The following DSCAM variants were observed in gnomAD, a reference collection of about 807,000 sequenced individuals.
DSCAM encodes cell adhesion molecule DSCAM.
In DSCAM, 47 loss-of-function variants were observed where a neutral mutation model predicts 217.7. The observed-to-expected ratio is 0.22, with a 90% CI of 0.17 to 0.28. DSCAM has a LOEUF of 0.28. Ranked by LOEUF, DSCAM falls within the 10% of genes least tolerant of loss-of-function variation. The probability of loss-of-function intolerance (pLI) is 1.00; values close to 1 mark genes in which losing one functional copy is unlikely to be tolerated. For missense variants in DSCAM, 2,080 were observed against 2,618.3 expected (o/e 0.79, Z 4.49); for synonymous variants, 1,056 against 1,015.3 (o/e 1.04, Z -0.76).
chr21:40,374,146 T>C (rs1283921489), intron 3 of DSCAM, among the ~76,000 whole-genome samples: 1 of 152,232 alleles, frequency 6.6e-6, no homozygotes, highest in Admixed American at 6.5e-5. Flanking sequence ...GGTGTGTATA[T>C]ATAGACACAT....
intron 28 of DSCAM, 92 bp from the exon 29 acceptor site, chr21:40,055,932 T>C: frequency 1.1e-6 from 1 of 883,820 alleles, no homozygotes; most frequent in Non-Finnish European, 1.9e-6. Flanking sequence ...GTTTATTGTC[T>C]AAATATACAA....
chr21:40,536,635 TGACCTCGTGATCCGCCCGCCTTGG>T (rs1318880927), intron 3 of DSCAM, among the ~76,000 whole-genome samples: 1 of 152,202 alleles, frequency 6.6e-6, no homozygotes, highest in Non-Finnish European at 1.5e-5. Flanking sequence ...CTCGATCTCC[TGACCTCGTGATCCGCCCGCCTTGG>T]CCTCCCAAAG....
intron 3 of DSCAM, among the ~76,000 whole-genome samples, chr21:40,599,613 G>A (rs1014520198): frequency 1.3e-5 from 2 of 152,100 alleles, no homozygotes; most frequent in Admixed American, 1.3e-4. Flanking sequence ...TAAGATCAGA[G>A]TAGAACTGAA....
intron 1 of DSCAM, among the ~76,000 whole-genome samples, chr21:40,792,608 G>T (rs945829281): frequency 1.3e-5 from 2 of 152,204 alleles, no homozygotes; most frequent in Admixed American, 6.5e-5. Flanking sequence ...ACGGATATGT[G>T]ACTGAGAATG....
chr21:40,176,667 C>A (rs2090735715), intron 15 of DSCAM, among the ~76,000 whole-genome samples: 1 of 152,222 alleles, frequency 6.6e-6, no homozygotes, highest in Non-Finnish European at 1.5e-5. Context: ...TTTCTAGAAC[C>A]TGCTCCTTTC....
chr21:40,523,971 G>T (rs1013574575), intron 3 of DSCAM, among the ~76,000 whole-genome samples: 6 of 152,118 alleles, frequency 3.9e-5, no homozygotes, highest in Non-Finnish European at 8.8e-5. Flanking sequence ...CCCTGAGAGG[G>T]GGACAAAGGG....
intron 1 of DSCAM, among the ~76,000 whole-genome samples, chr21:40,787,020 G>A (rs748063762): frequency 1.1e-4 from 17 of 152,206 alleles, no homozygotes; most frequent in East Asian, 1.9e-4. Context: ...GATTTGAAAC[G>A]TATGGCAATT....
chr21:40,645,488 A>C (rs2089935187), intron 3 of DSCAM, among the ~76,000 whole-genome samples: 1 of 152,230 alleles, frequency 6.6e-6, no homozygotes, highest in Non-Finnish European at 1.5e-5. Flanking sequence ...ATATTTGTGG[A>C]ATCATGTGAT....
At chr21:40,246,354 TAAAAAAAAAAAAAAAAAAAAAAA>T (rs34308158) in intron 11 of DSCAM, among the ~76,000 whole-genome samples, 2 of 13,920 alleles carry the variant, frequency 1.4e-4, no homozygotes, top group Admixed American at 3.0e-3. Flanking sequence ...CAGTCCGTAC[TAAAAAAAAAAAAAAAAAAAAAAA>T]AAAAAAAAAA....
At chr21:40,840,488 C>T (rs2123681312) in intron 1 of DSCAM, among the ~76,000 whole-genome samples, 1 of 152,230 alleles carries the variant, frequency 6.6e-6, no homozygotes, top group East Asian at 1.9e-4. Flanking sequence ...CATTTAGCAG[C>T]GTACACTTGA....
intron 3 of DSCAM, among the ~76,000 whole-genome samples, chr21:40,511,963 C>T (rs762136486): frequency 8.2e-5 from 10 of 122,056 alleles, no homozygotes; most frequent in Non-Finnish European, 1.6e-4. Context: ...TGCACTCCAG[C>T]CTGGGCGACA....
rs144428079 is a variant in DSCAM, at chr21:40,568,110, T to C, written c.508+124700A>G. Among the ~76,000 whole-genome samples the C allele has an allele frequency of 9.1e-3, 1,391 of 152,328 alleles. 13 individuals are homozygous for C. The highest frequency in any genetic ancestry group is 0.029 in the African/African-American group (1,195 of 41,572). The stretch of plus-strand genomic sequence containing the variant: ...TTTCTGATACGTAAACTATGTTTGA[T>C]TGAAGCATTTAGCAATGAATGGGGA... On this transcript the variant is annotated intron_variant, in intron 3 of 32. Transcript: ENST00000400454.
chr21:40,628,725 CTATCTAT>C (rs2089638725), intron 3 of DSCAM, among the ~76,000 whole-genome samples: 1 of 143,258 alleles, frequency 7.0e-6, no homozygotes, highest in Non-Finnish European at 1.5e-5. Flanking sequence ...ATCTATCTAT[CTATCTAT>C]CTATCTATCT....
At chr21:40,489,792 A>T (rs1268019211) in intron 3 of DSCAM, among the ~76,000 whole-genome samples, 1 of 149,892 alleles carries the variant, frequency 6.7e-6, no homozygotes, top group East Asian at 1.9e-4. Flanking sequence ...AAAAAAAAAA[A>T]AAAAAAAAAT....
At chr21:40,409,824 T>G (rs1002541347) in intron 3 of DSCAM, among the ~76,000 whole-genome samples, 1 of 152,146 alleles carries the variant, frequency 6.6e-6, no homozygotes, top group African/African-American at 2.4e-5. Context: ...CAAGGCTTGA[T>G]GGAATCATAT....
intron 3 of DSCAM, among the ~76,000 whole-genome samples, chr21:40,502,809 G>A (rs576828363): frequency 1.3e-5 from 2 of 152,186 alleles, no homozygotes; most frequent in South Asian, 4.2e-4. Flanking sequence ...ATATTCACAG[G>A]TCTGGCAACT....
At chr21:40,318,587 G>C (rs1002257202) in intron 8 of DSCAM, among the ~76,000 whole-genome samples, 2 of 152,184 alleles carry the variant, frequency 1.3e-5, no homozygotes, top group Non-Finnish European at 2.9e-5. Context: ...ATGTGAGTTT[G>C]TTTCCCTGAG....
At chr21:40,286,187 A>T (rs1041217742) in intron 10 of DSCAM, among the ~76,000 whole-genome samples, 1 of 152,204 alleles carries the variant, frequency 6.6e-6, no homozygotes, top group Non-Finnish European at 1.5e-5. Context: ...GGATTAAGAT[A>T]GGGCCAGGAT....
In DSCAM at chr21:40,011,809, T is replaced by G. The variant is rs1478432229; in HGVS notation, c.*1225A>C. Reference sequence around the variant, plus strand: ...TTTATTAAGATGGTCTATCACAAATTTGCATACCAGGCATAGTGGAGATAG... The same window carrying G: ...TTTATTAAGATGGTCTATCACAAATGTGCATACCAGGCATAGTGGAGATAG... On this transcript the variant is annotated 3_prime_UTR_variant, in exon 33 of 33. Transcript: ENST00000400454. 6.6e-6 allele frequency: 1 copy of G among 152,244 alleles called. No individual in the cohort carries two copies. The highest frequency in any genetic ancestry group is 1.9e-4 in the East Asian group (1 of 5,170). 9.4% of individuals were successfully genotyped at this position (152,244 alleles called of 1,614,324 possible).
Sources: gnomAD v4.1 joint callset for allele counts (sites outside exome capture counted in the v4.1 genomes callset) on GRCh38, gnomAD v4.1.1 for gene constraint, MANE v1.5 for transcripts, NCBI Gene and HGNC (gene_info 2026-07-23, HGNC 2026-07-21) for gene names.